SRBD1: variants seen among roughly 807,000 people sequenced by gnomAD.
SRBD1 encodes S1 RNA binding domain 1, also known as S1 RNA-binding domain-containing protein 1.
A neutral mutation model predicts 115.3 loss-of-function variants in SRBD1; 88 were observed. That is an observed-to-expected ratio of 0.76 (90% confidence interval 0.64 to 0.91). The LOEUF is 0.91. SRBD1 is among the 40% of genes least tolerant of loss of function. The pLI is 0.00. For missense variants in SRBD1, 1,385 were observed against 1,177.4 expected (o/e 1.18, Z -2.58); for synonymous variants, 509 against 407.7 (o/e 1.25, Z -2.99).
Position 45,551,186 on chromosome 2 carries a change from G to T in SRBD1, c.1614C>A (p.Thr538=). Residue 538 remains threonine, a synonymous_variant, in exon 12 of 21, where the codon ACC becomes ACA. Coordinates refer to ENST00000263736, the MANE Select transcript of SRBD1 (RefSeq NM_018079.5). Reference sequence around the variant, plus strand: ...TATAACCAGGATCCACTCCCATTAAGGTGCGCCCTGGAACAGGGCTTGTTA... The same window carrying T: ...TATAACCAGGATCCACTCCCATTAATGTGCGCCCTGGAACAGGGCTTGTTA... ...LLLTSPVPGR[T]LMGVDPGYKH... The T allele has an allele frequency of 6.2e-7, 1 of 1,612,680 alleles. No homozygotes were observed. The highest frequency in any genetic ancestry group is 8.5e-7 in the Non-Finnish European group (1 of 1,179,718).
intron 16 of SRBD1, among the ~76,000 whole-genome samples, chr2:45,448,370 T>C (rs940447899): frequency 6.6e-6 from 1 of 152,120 alleles, no homozygotes; most frequent in Non-Finnish European, 1.5e-5. Flanking sequence ...AAAAAAACAT[T>C]ATGATCACCA....
chr2:45,412,340 C>A (rs937016759), intron 19 of SRBD1, among the ~76,000 whole-genome samples: 1 of 151,962 alleles, frequency 6.6e-6, no homozygotes, highest in African/African-American at 2.4e-5. Context: ...TTTTTTACTT[C>A]TTTTTTCTAA....
chr2:45,418,279 A>G (rs1667890383), intron 18 of SRBD1, 86 bp downstream of exon 18: 1 of 1,490,660 alleles, frequency 6.7e-7, no homozygotes. Flanking sequence ...GACACTTAGA[A>G]AATTTTACAC....
intron 14 of SRBD1, among the ~76,000 whole-genome samples, chr2:45,493,811 C>CA (rs751899968): frequency 0.042 from 4,821 of 114,070 alleles, 110 homozygotes; most frequent in Non-Finnish European, 0.065. Flanking sequence ...AACTTCAACT[C>CA]AAAAAAAAAA....
At chr2:45,565,507 G>A (rs186032546) in intron 9 of SRBD1, among the ~76,000 whole-genome samples, 15 of 152,020 alleles carry the variant, frequency 9.9e-5, no homozygotes, top group Admixed American at 9.2e-4. Context: ...CTTAATACAA[G>A]AACTAAAACT....
chr2:45,505,930 A>G (rs1210383038), intron 14 of SRBD1, among the ~76,000 whole-genome samples: 2 of 152,208 alleles, frequency 1.3e-5, no homozygotes, highest in Non-Finnish European at 2.9e-5. Context: ...TCCCAATAAT[A>G]AGAAAGCTTT....
chr2:45,600,608 C>G (rs997569741), intron 3 of SRBD1, among the ~76,000 whole-genome samples: 14 of 152,098 alleles, frequency 9.2e-5, no homozygotes, highest in African/African-American at 3.1e-4. Context: ...AACAAGAGTC[C>G]GCACAGCAGC....
At chr2:45,485,482 C>T (rs1171016805) in intron 15 of SRBD1, among the ~76,000 whole-genome samples, 1 of 152,048 alleles carries the variant, frequency 6.6e-6, no homozygotes, top group Non-Finnish European at 1.5e-5. Flanking sequence ...AGGAATAAAA[C>T]ATACACTCAA....
chr2:45,510,146 G>A (rs1670923324), intron 14 of SRBD1, among the ~76,000 whole-genome samples: 1 of 152,080 alleles, frequency 6.6e-6, no homozygotes, highest in Non-Finnish European at 1.5e-5. Context: ...AAATTAGCAC[G>A]CATGTTTATG....
intron 16 of SRBD1, among the ~76,000 whole-genome samples, chr2:45,472,954 TTG>T (rs1052461132): frequency 2.7e-5 from 3 of 111,006 alleles, no homozygotes; most frequent in African/African-American, 2.8e-5. Context: ...AATATCAAGG[TTG>T]TTTTTTTTTT....
intron 15 of SRBD1, among the ~76,000 whole-genome samples, chr2:45,486,746 A>G (rs1670133661): frequency 6.8e-6 from 1 of 147,548 alleles, no homozygotes; most frequent in Non-Finnish European, 1.5e-5. Context: ...AAATAAAATA[A>G]AATAAAATAA....
At chr2:45,578,172 A>C (rs1354752883) in intron 7 of SRBD1, among the ~76,000 whole-genome samples, 3 of 152,208 alleles carry the variant, frequency 2.0e-5, no homozygotes, top group Admixed American at 1.3e-4. Context: ...GAAAAATAAA[A>C]ATAAAAGCAG....
rs137946274 is a variant in SRBD1, at chr2:45,556,721, C to A, written c.1410-2991G>T. On this transcript the variant is annotated intron_variant, in intron 10 of 20. Transcript: ENST00000263736. The stretch of plus-strand genomic sequence containing the variant: ...CAAGTGATCTACCTGCTTTGGCCTC[C>A]CAAAGTGCTGGGATTATAGGCGTGA... 3.3e-3 allele frequency among the ~76,000 whole-genome samples: 500 copies of A among 152,130 alleles called. 2 individuals are homozygous for A. Among genetic ancestry groups the A allele is most frequent in the African/African-American group, 0.011 (475 of 41,492 alleles).
At chr2:45,396,946 A>G (rs1300001915) in intron 19 of SRBD1, among the ~76,000 whole-genome samples, 1 of 152,206 alleles carries the variant, frequency 6.6e-6, no homozygotes, top group Non-Finnish European at 1.5e-5. Flanking sequence ...CATATGATTT[A>G]CAACTCCACC....
At chr2:45,414,512 C>T (rs1035835879) in intron 18 of SRBD1, among the ~76,000 whole-genome samples, 1 of 149,904 alleles carries the variant, frequency 6.7e-6, no homozygotes, top group South Asian at 2.1e-4. Context: ...TGTGTGTACA[C>T]ACATAGTGTG....
At chr2:45,580,107 A>C (rs1163317321) in intron 6 of SRBD1, 94 bp from the exon 7 acceptor site, 3 of 1,068,546 alleles carry the variant, frequency 2.8e-6, no homozygotes, top group African/African-American at 1.6e-5. Flanking sequence ...GAGAATGCTA[A>C]AGAAATCCTT....
At chr2:45,482,281 T>C (rs1375614617) in intron 15 of SRBD1, among the ~76,000 whole-genome samples, 2 of 152,092 alleles carry the variant, frequency 1.3e-5, no homozygotes, top group African/African-American at 4.8e-5. Context: ...AGGGAAGATA[T>C]AAATATTGAA....
In SRBD1 at chr2:45,430,547, G is replaced by C. The variant is rs564540187; in HGVS notation, c.2050-10653C>G. On this transcript the variant is annotated intron_variant, in intron 16 of 20. Transcript: ENST00000263736. ...TGACAAAAACAAGCAATGGGGAAAG[G>C]ATTTCCTATTTAATAAATGGTGTTG... Among the ~76,000 whole-genome samples the C allele has an allele frequency of 2.0e-5, 3 of 152,252 alleles. No homozygotes were observed. The East Asian group carries it at 5.8e-4, about 29-fold the overall frequency.
At chr2:45,469,957 A>C (rs1669597838) in intron 16 of SRBD1, among the ~76,000 whole-genome samples, 1 of 152,218 alleles carries the variant, frequency 6.6e-6, no homozygotes, top group Non-Finnish European at 1.5e-5. Context: ...GTTTTAGAAC[A>C]ATTTCCTCTG....
Sources: gnomAD v4.1 joint callset for allele counts (sites outside exome capture counted in the v4.1 genomes callset) on GRCh38, gnomAD v4.1.1 for gene constraint, MANE v1.5 for transcripts, NCBI Gene and HGNC (gene_info 2026-07-23, HGNC 2026-07-21) for gene names.